The following DOCK7 variants were observed in gnomAD, a reference collection of about 807,000 sequenced individuals.
The protein encoded by DOCK7 is dedicator of cytokinesis 7, also known as dedicator of cytokinesis protein 7.
In DOCK7, 138 loss-of-function variants were observed where a neutral mutation model predicts 271.0. That is an observed-to-expected ratio of 0.51 (90% confidence interval 0.44 to 0.59). The LOEUF (loss-of-function observed/expected upper bound fraction) is 0.59. DOCK7 is among the 20% of genes least tolerant of loss of function. DOCK7 has a pLI of 0.00. For synonymous variants in DOCK7, 823 were observed against 876.1 expected, an observed-to-expected ratio of 0.94 and a Z score of 1.07; for missense variants, 2,066 against 2,592.4, an observed-to-expected ratio of 0.80 and a Z score of 4.41.
intron 48 of DOCK7, among the ~76,000 whole-genome samples, chr1:62,472,655 A>T (rs574932068): frequency 1.3e-5 from 2 of 152,344 alleles, no homozygotes; most frequent in Non-Finnish European, 2.9e-5. Flanking sequence ...CAAAGATGGT[A>T]GGGTGTATTT....
chr1:62,654,438 A>C (rs1657745092), intron 2 of DOCK7, among the ~76,000 whole-genome samples: 1 of 152,140 alleles, frequency 6.6e-6, no homozygotes, highest in South Asian at 2.1e-4. Context: ...GTTTTATTCT[A>C]CTTTATAGTT....
At position 62,481,008 on chromosome 1, in the gene DOCK7, C is replaced by CAAAAAAA. The variant is rs35993847; in HGVS notation, c.5509-3190_5509-3184dup. On this transcript the variant is annotated intron_variant, in intron 43 of 49. Coordinates refer to ENST00000635253, the MANE Select transcript of DOCK7 (RefSeq NM_001367561.1). Reference sequence around the variant, plus strand: ...TGGGCGACAGAGCGAGACTCCGTCTCAAAAAAAAAAAAAAAAAAAAATCTG... The same window carrying CAAAAAAA: ...TGGGCGACAGAGCGAGACTCCGTCTCAAAAAAAAAAAAAAAAAAAAAAAAAAAATCTG... Among the ~76,000 whole-genome samples the CAAAAAAA allele has an allele frequency of 9.5e-5, 9 of 94,592 alleles. 1 individual carries two copies. In the East Asian group the frequency reaches 1.0e-3, roughly 10 times the overall value. The allele number at this position is 94,592 out of a possible 152,430, so 62.1% of individuals were successfully genotyped here. A position where few individuals can be genotyped will look rare whatever the true frequency, so the allele number is the denominator to read the frequency against.
In DOCK7 at chr1:62,492,781, C is replaced by T. The variant is rs1646503670; in HGVS notation, c.5284G>A (p.Gly1762Ser). The change falls in exon 41 of 50, where the codon GGT becomes AGT. Residue 1762 changes from glycine to serine, a missense_variant. Gly to Ser is a moderately conservative substitution (Grantham distance 56, BLOSUM62 0). Transcript: ENST00000635253. Reference sequence around the variant, plus strand: ...GTAAAGTATTTTCCAGAGCAGATACCTTCTTCATCTGGAGATACCACATCA... The same window carrying T: ...GTAAAGTATTTTCCAGAGCAGATACTTTCTTCATCTGGAGATACCACATCA... The part of the protein sequence containing the change: ...SDDVVSPDEE[G>S]ICSGKYFTES... The T allele has an allele frequency of 1.9e-6, 3 of 1,613,810 alleles. No homozygotes were observed. The highest frequency in any genetic ancestry group is 1.3e-5 in the African/African-American group (1 of 75,036).
chr1:62,482,343 CAT>C (rs1491505519), intron 43 of DOCK7: 3 of 72,426 alleles, frequency 4.1e-5, no homozygotes, highest in Non-Finnish European at 8.2e-5. Context: ...CGACTCTAAG[CAT>C]TTTTTTTTTT....
intron 11 of DOCK7, among the ~76,000 whole-genome samples, chr1:62,626,346 C>T (rs1653952777): frequency 1.3e-5 from 2 of 151,702 alleles, no homozygotes; most frequent in South Asian, 2.1e-4. Context: ...GAAAAAAAAT[C>T]CGAAACCAGC....
intron 1 of DOCK7, among the ~76,000 whole-genome samples, chr1:62,680,525 A>G (rs2149772156): frequency 6.6e-6 from 1 of 151,992 alleles, no homozygotes; most frequent in East Asian, 1.9e-4. Flanking sequence ...AACAAAAGCC[A>G]AAATTGACAA....
In DOCK7 at chr1:62,647,725, C is replaced by A. The variant is rs1656845292; in HGVS notation, c.784G>T (p.Gly262Cys). The stretch of plus-strand genomic sequence containing the variant: ...AAGCATTTTACAAGAAGTCTTTGAC[C>A]AAAATGTTCTTTGGGTATATCAGGA... ...SVPDIPKEHF[G>C]QRLLVKCLSL... Residue 262 changes from glycine to cysteine, a missense_variant, in exon 7 of 50, where the codon GGT becomes TGT. By Grantham distance (159) the Gly-to-Cys change is radical. Around this residue, in one of 2 missense-constraint regions of DOCK7, gnomAD observed 1,414 missense variants for 1,670.4 expected, o/e 0.85. Transcript: ENST00000635253. The A allele has an allele frequency of 6.2e-7, 1 of 1,608,056 alleles. No homozygotes were observed. The highest frequency in any genetic ancestry group is 8.5e-7 in the Non-Finnish European group (1 of 1,177,940).
chr1:62,481,636 T>C (rs1292310184), intron 43 of DOCK7: 1 of 152,212 alleles, frequency 6.6e-6, no homozygotes, highest in Non-Finnish European at 1.5e-5. Context: ...CTGAACTTTC[T>C]ATCACTCCTC....
chr1:62,559,715 C>T (rs903071413), intron 19 of DOCK7, among the ~76,000 whole-genome samples: 4 of 152,102 alleles, frequency 2.6e-5, no homozygotes, highest in Admixed American at 6.6e-5. Context: ...TTTCCCCTAC[C>T]TCACTGTGCA....
intron 43 of DOCK7, 109 bp from the exon 44 acceptor site, chr1:62,477,934 AG>A (rs1646013326): frequency 8.2e-7 from 1 of 1,224,070 alleles, no homozygotes; most frequent in Admixed American, 2.9e-5. Flanking sequence ...CATTGCAAAA[AG>A]TTTTAATTCA....
intron 40 of DOCK7, among the ~76,000 whole-genome samples, chr1:62,493,435 C>G (rs954647569): frequency 9.2e-5 from 14 of 152,118 alleles, no homozygotes; most frequent in African/African-American, 3.4e-4. Context: ...GTTTCCAGAT[C>G]AGATTTCCAC....
At chr1:62,597,586 T>G in intron 14 of DOCK7, 1 of 1,612,796 alleles carries the variant, frequency 6.2e-7, no homozygotes, top group Non-Finnish European at 8.5e-7. Flanking sequence ...ATTAAGCTCC[T>G]TCTTTTTATT....
chr1:62,556,225 T>C (rs1423887317), intron 20 of DOCK7, among the ~76,000 whole-genome samples: 1 of 152,080 alleles, frequency 6.6e-6, no homozygotes, highest in Non-Finnish European at 1.5e-5. Context: ...GAAAATTATA[T>C]GGGTTTGATT....
chr1:62,612,787 T>C (rs1333973793), intron 14 of DOCK7, among the ~76,000 whole-genome samples: 3 of 152,192 alleles, frequency 2.0e-5, no homozygotes, highest in South Asian at 2.1e-4. Flanking sequence ...AACCATTGTA[T>C]TCATTCTTAC....
chr1:62,499,513 CAA>C (rs1646718189), intron 37 of DOCK7, among the ~76,000 whole-genome samples: 1 of 152,124 alleles, frequency 6.6e-6, no homozygotes, highest in Non-Finnish European at 1.5e-5. Context: ...GAAAGGAAAG[CAA>C]AGAGTGAGGA....
rs542968066 is a variant in DOCK7 at position 62,522,827 on chromosome 1, T to C, written c.3936+5324A>G. 7.6e-4 allele frequency among the ~76,000 whole-genome samples: 116 copies of C among 152,228 alleles called. 3 individuals carry two copies. In the Middle Eastern group the frequency reaches 0.01, roughly 13 times the overall value. ...TTATTTTATATTGTGGAAATAAAAA[T>C]CATTGTACAAAAATCAATTTTTTTG... On this transcript the variant is annotated intron_variant, in intron 31 of 49. Transcript: ENST00000635253.
intron 43 of DOCK7, chr1:62,478,076 T>A (rs1309054318): frequency 2.7e-6 from 1 of 370,214 alleles, no homozygotes; most frequent in Non-Finnish European, 4.8e-6. Flanking sequence ...TTTCGGAGTT[T>A]GTACGAAGTG....
rs72641123 is a variant in DOCK7, at chr1:62,602,807, C to A, written c.1682+15899G>T. On this transcript the variant is annotated intron_variant, in intron 14 of 49. Transcript: ENST00000635253. The stretch of plus-strand genomic sequence containing the variant: ...AGTTAAAAGGACCAGGAAACTCAGA[C>A]ATACAGTATACATTTTAAAATTTCA... 4.7e-3 allele frequency among the ~76,000 whole-genome samples: 716 copies of A among 151,520 alleles called. 31 individuals are homozygous for A. The East Asian group carries it at 0.1, about 22-fold the overall frequency.
At chr1:62,501,212 A>G (rs949422306) in intron 37 of DOCK7, among the ~76,000 whole-genome samples, 1 of 152,116 alleles carries the variant, frequency 6.6e-6, no homozygotes, top group African/African-American at 2.4e-5. Context: ...CACTTGGAGA[A>G]TATTACTCCT....
Sources: gnomAD v4.1 joint callset for allele counts (sites outside exome capture counted in the v4.1 genomes callset) on GRCh38, gnomAD v4.1.1 for gene constraint, gnomAD v4.1.1 regional missense constraint, MANE v1.5 for transcripts, NCBI Gene and HGNC (gene_info 2026-07-23, HGNC 2026-07-21) for gene names.